Variants in SCRIB observed in about 807,000 individuals in gnomAD.
The protein encoded by SCRIB is protein scribble homolog.
In SCRIB, 72 loss-of-function variants were observed where a neutral mutation model predicts 170.0. The observed-to-expected ratio is 0.42, with a 90% CI of 0.35 to 0.52. The LOEUF (loss-of-function observed/expected upper bound fraction) is 0.52. SCRIB is among the 20% of genes least tolerant of loss of function. The pLI is 0.02. For missense variants in SCRIB, 2,475 were observed against 2,338.5 expected (o/e 1.06, Z -1.20); for synonymous variants, 1,298 against 1,044.3 (o/e 1.24, Z -4.68).
At chr8:143,796,007 GC>G (rs1295699330) in intron 24 of SCRIB, among the ~76,000 whole-genome samples, 47 of 152,270 alleles carry the variant, frequency 3.1e-4, no homozygotes, top group African/African-American at 1.0e-3. Flanking sequence ...AGGAGGCCCG[GC>G]CAGCTCTGCA....
rs137872634 is a variant in SCRIB at position 143,810,544 on chromosome 8, C to G, written c.1465G>C (p.Glu489Gln). ...SELKVMKRSI[E>Q]GRRSEACPCQ... ...GGGCAGGCCTCGCTCCGCCGCCCCT[C>G]GATGCTCCTCTTCATCACCTTGAGC... Residue 489 changes from glutamate (E) to glutamine (Q), a missense_variant, in exon 13 of 37, where the codon GAG (glutamate) becomes CAG (glutamine). By Grantham distance (29) the Glu-to-Gln change is conservative (BLOSUM62 2). Coordinates refer to ENST00000356994, the MANE Select transcript of SCRIB (RefSeq NM_182706.5). 1.9e-6 allele frequency: 3 copies of G among 1,613,352 alleles called. No homozygotes were observed. The highest frequency in any genetic ancestry group is 2.5e-6 in the Non-Finnish European group (3 of 1,179,996).
At chr8:143,793,433 C>CAG (rs782178689) in intron 28 of SCRIB, 9 of 301,266 alleles carry the variant, frequency 3.0e-5, no homozygotes, top group East Asian at 1.1e-4. Flanking sequence ...GTGGGAGAGA[C>CAG]AGAGAGAGAG....
intron 15 of SCRIB, 31 bp from the exon 16 acceptor site, chr8:143,807,645 G>A: frequency 3.2e-6 from 5 of 1,582,558 alleles, no homozygotes; most frequent in Non-Finnish European, 4.3e-6. Context: ...AGGCATGCAG[G>A]TTAGCCACCG....
intron 24 of SCRIB, among the ~76,000 whole-genome samples, chr8:143,799,599 G>A (rs1370365732): frequency 3.3e-5 from 5 of 152,198 alleles, no homozygotes; most frequent in East Asian, 1.9e-4. Flanking sequence ...CGACCATGGC[G>A]AGGCAGGTCG....
intron 24 of SCRIB, among the ~76,000 whole-genome samples, chr8:143,801,283 G>A (rs568452834): frequency 2.0e-4 from 31 of 152,336 alleles, no homozygotes; most frequent in Middle Eastern, 3.4e-3. Context: ...CGCAGGAGGC[G>A]GAGGCTGCAG....
chr8:143,815,191 G>C (rs765058486), intron 1 of SCRIB, 23 bp downstream of exon 1: 1 of 1,549,076 alleles, frequency 6.5e-7, no homozygotes, highest in Non-Finnish European at 8.7e-7. Flanking sequence ...GCCTTTGGGC[G>C]GCAGGTGCGG....
At chr8:143,800,906 C>A (rs1554634873) in intron 24 of SCRIB, among the ~76,000 whole-genome samples, 1 of 152,158 alleles carries the variant, frequency 6.6e-6, no homozygotes, top group Non-Finnish European at 1.5e-5. Context: ...TACGTGAAAT[C>A]CCAGAATTCC....
chr8:143,812,004 G>T (rs1028611649), intron 9 of SCRIB, among the ~76,000 whole-genome samples: 1 of 152,066 alleles, frequency 6.6e-6, no homozygotes, highest in Admixed American at 6.5e-5. Flanking sequence ...TTCTGTAACC[G>T]CTCCCCAGTG....
rs1204833160 is a variant in SCRIB at position 143,792,281 on chromosome 8, G to A, written c.4453C>T (p.Leu1485=). The change falls in exon 32 of 37, where the codon CTG becomes TTG. Residue 1485 remains leucine, a synonymous_variant. Coordinates refer to ENST00000356994, the MANE Select transcript of SCRIB (RefSeq NM_182706.5). ...AGGGCCCGGAGCTCGGCAGGGGACA[G>A]GGCACGCTCGGGTGCCGGTGGCTCC... The part of the protein sequence containing the change: ...SPEPPAPERA[L]SPAELRALEA... 3 of 1,565,762 alleles carry A rather than the reference G, an allele frequency of 1.9e-6. No homozygotes were observed. Among genetic ancestry groups the A allele is most frequent in the Non-Finnish European group, 2.6e-6 (3 of 1,163,292 alleles).
Position 143,804,572 on chromosome 8 carries a change from A to C in SCRIB, c.3005T>G (p.Val1002Gly). ...GGGTGGGGGCTTGTGTCTCACCTCCACTGGGTATGGCCCTTCCAACGCGGC... is the reference window on the plus strand; with the variant it reads ...GGGTGGGGGCTTGTGTCTCACCTCCCCTGGGTATGGCCCTTCCAACGCGGC... ...LAAALEGPYP[V>G]EEIRLPRAGG... Residue 1002 changes from valine (V) to glycine (G), a missense_variant, in exon 21 of 37, where the codon GTG becomes GGG. By Grantham distance (109) the Val-to-Gly change is moderately radical. Around this residue, in one of 3 missense-constraint regions of SCRIB, gnomAD observed 1,966 missense variants for 1,742.9 expected, o/e 1.13. Transcript: ENST00000356994. The C allele has an allele frequency of 6.7e-7, 1 of 1,497,640 alleles. No individual in the cohort carries two copies. The highest frequency in any genetic ancestry group is 8.9e-7 in the Non-Finnish European group (1 of 1,129,694). The allele number at this position is 1,497,640 out of a possible 1,614,324, so 92.8% of individuals were successfully genotyped here.
rs1366809992 is a variant in SCRIB at position 143,807,089 on chromosome 8, G to C, written c.2179-76C>G. ...GTGCTCTCTGCAGGAGACCCCACCA[G>C]CACGCAGATGCCATTTCTGGCTTTT... On this transcript the variant is annotated intron_variant, in intron 16 of 36. Coordinates refer to ENST00000356994, the MANE Select transcript of SCRIB (RefSeq NM_182706.5). The C allele has an allele frequency of 3.9e-6, 4 of 1,016,506 alleles. No homozygotes were observed. In the East Asian group the frequency reaches 1.0e-4, roughly 26 times the overall value. 63.0% of individuals were successfully genotyped at this position (1,016,506 alleles called of 1,614,324 possible). A position where few individuals can be genotyped will look rare whatever the true frequency, so the allele number is the denominator to read the frequency against.
Position 143,815,559 on chromosome 8 carries a change from T to G in SCRIB, c.-187A>C, listed in dbSNP as rs947590376. On this transcript the variant is annotated 5_prime_UTR_variant, in exon 1 of 37. Transcript: ENST00000356994. ...CGGCCCGCGCTCGGAACGCTCGGAC[T>G]GCGGGCCTGGGCAGGGGGCGCGGCC... is the stretch of plus-strand genomic sequence containing the variant. 3.1e-6 allele frequency: 3 copies of G among 977,116 alleles called. No homozygotes were observed. The South Asian group carries it at 1.4e-4, about 46-fold the overall frequency. The allele number at this position is 977,116 out of a possible 1,614,324, so 60.5% of individuals were successfully genotyped here.
Position 143,792,109 on chromosome 8 carries a change from A to G in SCRIB, c.4539T>C (p.Ala1513=). The part of the protein sequence containing the change: ...AARMKSLEQD[A]LRAQMVLSRS... ...TGCTGAGGACCATCTGTGCTCGGAGAGCGTCCTGTTCCAATGACTTCATCC... is the reference window on the plus strand; with the variant it reads ...TGCTGAGGACCATCTGTGCTCGGAGGGCGTCCTGTTCCAATGACTTCATCC... Residue 1513 remains alanine (A), a synonymous_variant, in exon 33 of 37, where the codon GCT becomes GCC. Coordinates refer to ENST00000356994, the MANE Select transcript of SCRIB (RefSeq NM_182706.5). 1 of 1,586,964 alleles carries G rather than the reference A, an allele frequency of 6.3e-7. No homozygotes were observed. The highest frequency in any genetic ancestry group is 8.5e-7 in the Non-Finnish European group (1 of 1,173,332).
chr8:143,812,418 C>T, intron 8 of SCRIB, 34 bp from the exon 9 acceptor site: 4 of 1,508,092 alleles, frequency 2.7e-6, no homozygotes, highest in Non-Finnish European at 3.7e-6. Flanking sequence ...CAAGGCTGAG[C>T]ATGGTCCCCA....
rs778021219 is a variant in SCRIB at position 143,808,770 on chromosome 8, G to C, written c.1954C>G (p.Pro652Ala). 6 of 1,610,108 alleles carry C rather than the reference G, an allele frequency of 3.7e-6. No individual in the cohort carries two copies. The highest frequency in any genetic ancestry group is 4.2e-6 in the Non-Finnish European group (5 of 1,177,998). The change falls in exon 15 of 37, where the codon CCC (proline) becomes GCC (alanine). Residue 652 changes from proline to alanine, a missense_variant. By Grantham distance (27) the Pro-to-Ala change is conservative. Transcript: ENST00000356994. ...PGGWHNGPHA[P>A]WAPRAQKEEE... is the part of the protein sequence containing the mutation. ...TCCTTCTGGGCCCGAGGAGCCCAGG[G>C]TGCGTGGGGGCCATTGTGCCAGCCC...
chr8:143,794,276 A>G (rs1814839023), intron 27 of SCRIB: 4 of 377,716 alleles, frequency 1.1e-5, no homozygotes, highest in Admixed American at 3.8e-5. Flanking sequence ...GGGGCCAGAG[A>G]CAGAGGTGAT....
chr8:143,808,567 C>A, intron 15 of SCRIB, 42 bp downstream of exon 15: 1 of 1,493,330 alleles, frequency 6.7e-7, no homozygotes, highest in Non-Finnish European at 8.9e-7. Context: ...CCCAGGAGGG[C>A]CAGGGGAATC....
At position 143,797,271 on chromosome 8, in the gene SCRIB, C is replaced by T. The variant is rs578031734; in HGVS notation, c.3604-1741G>A. On this transcript the variant is annotated intron_variant, in intron 24 of 36. Coordinates refer to ENST00000356994, the MANE Select transcript of SCRIB (RefSeq NM_182706.5). The stretch of plus-strand genomic sequence containing the variant: ...ATAAATTACGATGGTAAAAGGCTGT[C>T]GCCCATGAAATAAAATGGAAGCTCA... Among the ~76,000 whole-genome samples, 38 of 152,302 alleles carry T rather than the reference C, an allele frequency of 2.5e-4. 1 individual carries two copies. The South Asian group carries it at 6.6e-3, about 27-fold the overall frequency.
chr8:143,813,442 C>T (rs1409274347), intron 5 of SCRIB, 28 bp downstream of exon 5: 2 of 1,613,106 alleles, frequency 1.2e-6, no homozygotes, highest in Non-Finnish European at 8.5e-7. Context: ...CCTGCCCTGG[C>T]TGTTAGGAGA....
Sources: allele counts gnomAD v4.1 joint callset (sites outside exome capture counted in the v4.1 genomes callset), GRCh38; gene constraint gnomAD v4.1.1; regional missense constraint gnomAD v4.1.1; transcripts MANE v1.5; gene names NCBI Gene and HGNC (gene_info 2026-07-23, HGNC 2026-07-21).